The following ZBTB22 variants were observed in gnomAD, a reference collection of about 807,000 sequenced individuals.
ZBTB22 encodes zinc finger and BTB domain containing 22.
For synonymous variants in ZBTB22, 356 were observed against 347.3 expected (o/e 1.03, Z -0.28); for missense variants, 668 against 834.1 (o/e 0.80, Z 2.45).
Position 33,315,899 on chromosome 6 carries a change from G to C in ZBTB22, c.1018C>G (p.Leu340Val). Residue 340 changes from leucine to valine, a missense_variant, in exon 2 of 2, where the codon CTA becomes GTA. Coordinates refer to ENST00000431845, the MANE Select transcript of ZBTB22 (RefSeq NM_005453.5). This position sits in a 1 kb window ranked among gnomAD's most constrained non-coding sequence, Gnocchi z 5.4. ...LTCEDDEDEE[L>V]GGSSRVPVGG... ...ACTGGAACCCTGGAGCTACCCCCTA[G>C]TTCTTCATCTTCATCATCCTCACAG... The C allele has an allele frequency of 6.2e-7, 1 of 1,613,948 alleles. No homozygotes were observed. Among genetic ancestry groups the C allele is most frequent in the Non-Finnish European group, 8.5e-7 (1 of 1,179,980 alleles).
chr6:33,316,790 G>A lies in ZBTB22; in HGVS notation c.127C>T (p.Leu43Phe). The change falls in exon 2 of 2, where the codon CTC (leucine) becomes TTC (phenylalanine). Residue 43 changes from leucine to phenylalanine, a missense_variant. By Grantham distance (22) the Leu-to-Phe change is conservative (BLOSUM62 0). Transcript: ENST00000431845. The surrounding 1 kb of genome is among the most constrained non-coding windows in gnomAD (Gnocchi z 7.2). ...HVSFPEVTSA[L>F]LESLNQQRLQ... ...CGCTGCTGATTGAGGGACTCCAAGA[G>A]GGCACTGGTCACCTCAGGGAAGGAC... The A allele has an allele frequency of 6.2e-7, 1 of 1,614,170 alleles. No homozygotes were observed. Among genetic ancestry groups the A allele is most frequent in the Non-Finnish European group, 8.5e-7 (1 of 1,180,024 alleles).
In ZBTB22 at chr6:33,315,244, C is replaced by G. The variant is rs997065545; in HGVS notation, c.1673G>C (p.Arg558Pro). The G allele has an allele frequency of 6.2e-7, 1 of 1,613,432 alleles. No homozygotes were observed. The highest frequency in any genetic ancestry group is 8.5e-7 in the Non-Finnish European group (1 of 1,179,872). Residue 558 changes from arginine (R) to proline (P), a missense_variant, in exon 2 of 2, where the codon CGC becomes CCC. Physicochemically the swap from Arg to Pro is moderately radical, Grantham distance 103 (BLOSUM62 -2). Coordinates refer to ENST00000431845, the MANE Select transcript of ZBTB22 (RefSeq NM_005453.5). The surrounding 1 kb of genome is among the most constrained non-coding windows in gnomAD (Gnocchi z 5.4). ...KKFMWRDSFM[R>P]HRGHCERRHR... ...CCGGCGCTCACAGTGTCCTCGGTGG[C>G]GCATGAAGCTGTCTCGCCACATGAA...
rs369772137 is a variant in ZBTB22 at position 33,315,220 on chromosome 6, C to G, written c.1697G>C (p.Arg566Pro). 12 of 1,612,996 alleles carry G rather than the reference C, an allele frequency of 7.4e-6. No individual in the cohort carries two copies. Among genetic ancestry groups the G allele is most frequent in the Non-Finnish European group, 1.0e-5 (12 of 1,179,704 alleles). ...GGCCCCGACCCCGCCCAGGCGGTGC[C>G]GGCGCTCACAGTGTCCTCGGTGGCG... is the stretch of plus-strand genomic sequence containing the variant. Reference protein sequence around the residue: ...FMRHRGHCERRHRLGGVGAVP... With the variant: ...FMRHRGHCERPHRLGGVGAVP... The change falls in exon 2 of 2, where the codon CGG (arginine) becomes CCG (proline). Residue 566 changes from arginine to proline, a missense_variant. Arg to Pro is a moderately radical substitution (Grantham distance 103). Transcript: ENST00000431845. This position sits in a 1 kb window ranked among gnomAD's most constrained non-coding sequence, Gnocchi z 5.4.
At position 33,316,471 on chromosome 6, in the gene ZBTB22, T is replaced by C; in HGVS notation, c.446A>G (p.Glu149Gly). Reference protein sequence around the residue: ...IVDKCTELLREGRASATTTIT... With the variant: ...IVDKCTELLRGGRASATTTIT... Reference sequence around the variant, plus strand: ...GGTGGTGGTAGCTGAGGCCCGGCCTTCTCGGAGTAGTTCAGTGCACTTGTC... The same window carrying C: ...GGTGGTGGTAGCTGAGGCCCGGCCTCCTCGGAGTAGTTCAGTGCACTTGTC... The change falls in exon 2 of 2, where the codon GAA (glutamate) becomes GGA (glycine). Residue 149 changes from glutamate to glycine, a missense_variant. Physicochemically the swap from Glu to Gly is moderately conservative, Grantham distance 98. Coordinates refer to ENST00000431845, the MANE Select transcript of ZBTB22 (RefSeq NM_005453.5). This position sits in a 1 kb window ranked among gnomAD's most constrained non-coding sequence, Gnocchi z 7.2. The C allele has an allele frequency of 2.5e-6, 4 of 1,614,088 alleles. No homozygotes were observed. The highest frequency in any genetic ancestry group is 3.4e-6 in the Non-Finnish European group (4 of 1,180,018).
At chr6:33,317,018 C>T (rs936574298) in intron 1 of ZBTB22, 33 bp from the exon 2 acceptor site, 49 of 1,369,428 alleles carry the variant, frequency 3.6e-5, no homozygotes, top group Non-Finnish European at 4.3e-5. Flanking sequence ...ATAATGATAA[C>T]ATCTCATAAC....
Position 33,316,457 on chromosome 6 carries a change from C to T in ZBTB22, c.460G>A (p.Ala154Thr), listed in dbSNP as rs1769886856. The change falls in exon 2 of 2, where the codon GCT (alanine) becomes ACT (threonine). Residue 154 changes from alanine to threonine, a missense_variant. By Grantham distance (58) the Ala-to-Thr change is moderately conservative. Coordinates refer to ENST00000431845, the MANE Select transcript of ZBTB22 (RefSeq NM_005453.5). This position sits in a 1 kb window ranked among gnomAD's most constrained non-coding sequence, Gnocchi z 7.2. The stretch of plus-strand genomic sequence containing the variant: ...GCAGCAGTAGTGATGGTGGTGGTAG[C>T]TGAGGCCCGGCCTTCTCGGAGTAGT... ...TELLREGRAS[A>T]TTTITTAAAT... 1.2e-6 allele frequency: 2 copies of T among 1,614,182 alleles called. No homozygotes were observed. Among genetic ancestry groups the T allele is most frequent in the Non-Finnish European group, 1.7e-6 (2 of 1,180,042 alleles).
rs753611686 is a variant in ZBTB22 at position 33,316,695 on chromosome 6, G to T, written c.222C>A (p.Val74=). 1.2e-6 allele frequency: 2 copies of T among 1,614,206 alleles called. No individual in the cohort carries two copies. The highest frequency in any genetic ancestry group is 1.7e-6 in the Non-Finnish European group (2 of 1,180,036). Residue 74 remains valine, a synonymous_variant, in exon 2 of 2, where the codon GTC becomes GTA. Coordinates refer to ENST00000431845, the MANE Select transcript of ZBTB22 (RefSeq NM_005453.5). This position sits in a 1 kb window ranked among gnomAD's most constrained non-coding sequence, Gnocchi z 7.2. ...GGAAGTAAGGGGAGGAGGCAGCCAG[G>T]ACAGCCCGATGAGCCCGGAACTCCC... ...QGREFRAHRA[V]LAASSPYFHD...
In ZBTB22 at chr6:33,315,120, G is replaced by C. The variant is rs1769744035; in HGVS notation, c.1797C>G (p.Ser599Arg). The C allele has an allele frequency of 6.2e-7, 1 of 1,611,884 alleles. No individual in the cohort carries two copies. The highest frequency in any genetic ancestry group is 1.7e-5 in the Admixed American group (1 of 59,884). Reference sequence around the variant, plus strand: ...GCGTGGCCGCACTCGCTTCGTCGCCGCTGCCCCCGCCCACTCCGGGAGACT... The same window carrying C: ...GCGTGGCCGCACTCGCTTCGTCGCCCCTGCCCCCGCCCACTCCGGGAGACT... Reference protein sequence around the residue: ...KRESPGVGGGSGDEASAATPP... With the variant: ...KRESPGVGGGRGDEASAATPP... Residue 599 changes from serine to arginine, a missense_variant, in exon 2 of 2, where the codon AGC (serine) becomes AGG (arginine). Physicochemically the swap from Ser to Arg is moderately radical, Grantham distance 110. Coordinates refer to ENST00000431845, the MANE Select transcript of ZBTB22 (RefSeq NM_005453.5). The surrounding 1 kb of genome is among the most constrained non-coding windows in gnomAD (Gnocchi z 5.4).
chr6:33,316,856 G>C lies in ZBTB22; in HGVS notation c.61C>G (p.Pro21Ala). 1.2e-6 allele frequency: 2 copies of C among 1,613,688 alleles called. No individual in the cohort carries two copies. Among genetic ancestry groups the C allele is most frequent in the South Asian group, 2.2e-5 (2 of 91,056 alleles). ...GCTGCTGGCAGGGGTAGTGGGGGCG[G>C]AGCCAGCGACAGCGGCAGGGGAAGT... The part of the protein sequence containing the change: ...AALPLPLSLA[P>A]PPLPLPAAAV... The change falls in exon 2 of 2, where the codon CCG becomes GCG. Residue 21 changes from proline to alanine, a missense_variant. Pro to Ala is a conservative substitution (Grantham distance 27). Transcript: ENST00000431845. This position sits in a 1 kb window ranked among gnomAD's most constrained non-coding sequence, Gnocchi z 7.2.
In ZBTB22 at chr6:33,315,445, C is replaced by A; in HGVS notation, c.1472G>T (p.Gly491Val). Residue 491 changes from glycine (G) to valine (V), a missense_variant, in exon 2 of 2, where the codon GGG becomes GTG. Physicochemically the swap from Gly to Val is moderately radical, Grantham distance 109. Transcript: ENST00000431845. The surrounding 1 kb of genome is among the most constrained non-coding windows in gnomAD (Gnocchi z 5.4). ...DGNKIFLCHC[G>V]KAFSHKSMRD... ...CATGCTCTTGTGGGAGAAGGCCTTC[C>A]CACAATGGCACAGAAAGATCTTATT... 1 of 1,614,160 alleles carries A rather than the reference C, an allele frequency of 6.2e-7. No individual in the cohort carries two copies. The highest frequency in any genetic ancestry group is 8.5e-7 in the Non-Finnish European group (1 of 1,180,022).
Position 33,316,933 on chromosome 6 carries a change from A to C in ZBTB22, c.-17T>G. The C allele has an allele frequency of 2.6e-6, 4 of 1,553,542 alleles. No individual in the cohort carries two copies. Among genetic ancestry groups the C allele is most frequent in the Non-Finnish European group, 3.5e-6 (4 of 1,150,902 alleles). Reference sequence around the variant, plus strand: ...TGGCTCCATGTTGTGGAGGGAGGGGATACCCCCCCAGCCACAGGAACAAAG... The same window carrying C: ...TGGCTCCATGTTGTGGAGGGAGGGGCTACCCCCCCAGCCACAGGAACAAAG... On this transcript the variant is annotated 5_prime_UTR_variant, in exon 2 of 2. Transcript: ENST00000431845. This position sits in a 1 kb window ranked among gnomAD's most constrained non-coding sequence, Gnocchi z 7.2.
chr6:33,314,825 A>C lies in ZBTB22; in HGVS notation c.*187T>G. 4.4e-6 allele frequency: 5 copies of C among 1,131,954 alleles called. No homozygotes were observed. Among genetic ancestry groups the C allele is most frequent in the South Asian group, 4.4e-5 (2 of 45,698 alleles). The allele number at this position is 1,131,954 out of a possible 1,614,324, so 70.1% of individuals were successfully genotyped here. A position where few individuals can be genotyped will look rare whatever the true frequency, so the allele number is the denominator to read the frequency against. On this transcript the variant is annotated 3_prime_UTR_variant, in exon 2 of 2. Transcript: ENST00000431845. Reference sequence around the variant, plus strand: ...TAGTTCTGGAAATACCTTGGGGGGGAGGGGTTGAGTAGTAGAATGGGCGGG... The same window carrying C: ...TAGTTCTGGAAATACCTTGGGGGGGCGGGGTTGAGTAGTAGAATGGGCGGG...
Position 33,316,072 on chromosome 6 carries a change from C to T in ZBTB22, c.845G>A (p.Arg282Gln), listed in dbSNP as rs1485074549. The change falls in exon 2 of 2, where the codon CGG becomes CAG. Residue 282 changes from arginine (R) to glutamine (Q), a missense_variant. By Grantham distance (43) the Arg-to-Gln change is conservative. Transcript: ENST00000431845. This position sits in a 1 kb window ranked among gnomAD's most constrained non-coding sequence, Gnocchi z 7.2. ...GCTAGGGGGTGTGTAGGTGGGTCTCCGGAGCCCAGCCCCAGGAACCACTGC... is the reference window on the plus strand; with the variant it reads ...GCTAGGGGGTGTGTAGGTGGGTCTCTGGAGCCCAGCCCCAGGAACCACTGC... ...RGAVVPGAGL[R>Q]RPTYTPPSIM... The T allele has an allele frequency of 9.3e-6, 15 of 1,613,282 alleles. No individual in the cohort carries two copies. The highest frequency in any genetic ancestry group is 2.2e-5 in the East Asian group (1 of 44,896).
At position 33,316,573 on chromosome 6, in the gene ZBTB22, C is replaced by T; in HGVS notation, c.344G>A (p.Gly115Asp). The change falls in exon 2 of 2, where the codon GGC becomes GAC. Residue 115 changes from glycine to aspartate, a missense_variant. Transcript: ENST00000431845. This position sits in a 1 kb window ranked among gnomAD's most constrained non-coding sequence, Gnocchi z 7.2. ...FETVLASAYT[G>D]RLSMAAADIV... The stretch of plus-strand genomic sequence containing the variant: ...GTCAGCAGCAGCCATGCTGAGGCGG[C>T]CAGTGTAAGCGGAGGCTAGGACAGT... 6.2e-7 allele frequency: 1 copy of T among 1,614,222 alleles called. No homozygotes were observed. Among genetic ancestry groups the T allele is most frequent in the Non-Finnish European group, 8.5e-7 (1 of 1,180,036 alleles).
At chr6:33,317,745 TCCGCCCTCCGCCTCCGCTCCGCCTC>T (rs1363747699), upstream of ZBTB22, 1 of 82,910 alleles carries the variant, frequency 1.2e-5, no homozygotes, top group Non-Finnish European at 2.3e-5. Flanking sequence ...GCCGACTCCC[TCCGCCCTCCGCCTCCGCTCCGCCTC>T]CCGCCCCTCC....
chr6:33,314,970 T>C lies in ZBTB22; in HGVS notation c.*42A>G. 6.6e-7 allele frequency: 1 copy of C among 1,520,346 alleles called. No individual in the cohort carries two copies. The highest frequency in any genetic ancestry group is 8.8e-7 in the Non-Finnish European group (1 of 1,134,338). 94.2% of individuals were successfully genotyped at this position (1,520,346 alleles called of 1,614,324 possible). ...CAGCGCCCTTGCATCGTGCTCCTTA[T>C]TCCCTTTCCCGAAAGCTACCCCACC... On this transcript the variant is annotated 3_prime_UTR_variant, in exon 2 of 2. Coordinates refer to ENST00000431845, the MANE Select transcript of ZBTB22 (RefSeq NM_005453.5).
chr6:33,315,108 C>G lies in ZBTB22; in HGVS notation c.1809G>C (p.Ala603=). 6.2e-7 allele frequency: 1 copy of G among 1,611,910 alleles called. No individual in the cohort carries two copies. Among genetic ancestry groups the G allele is most frequent in the African/African-American group, 1.3e-5 (1 of 75,014 alleles). Reference sequence around the variant, plus strand: ...TGCTGGACGGGGGCGTGGCCGCACTCGCTTCGTCGCCGCTGCCCCCGCCCA... The same window carrying G: ...TGCTGGACGGGGGCGTGGCCGCACTGGCTTCGTCGCCGCTGCCCCCGCCCA... ...PGVGGGSGDE[A]SAATPPSSRR... Residue 603 remains alanine, a synonymous_variant, in exon 2 of 2, where the codon GCG becomes GCC. Transcript: ENST00000431845. This position sits in a 1 kb window ranked among gnomAD's most constrained non-coding sequence, Gnocchi z 5.4.
Position 33,315,290 on chromosome 6 carries a change from A to T in ZBTB22, c.1627T>A (p.Cys543Ser). 1 of 1,613,696 alleles carries T rather than the reference A, an allele frequency of 6.2e-7. No individual in the cohort carries two copies. The highest frequency in any genetic ancestry group is 8.5e-7 in the Non-Finnish European group (1 of 1,179,942). The change falls in exon 2 of 2, where the codon TGC becomes AGC. Residue 543 changes from cysteine to serine, a missense_variant. Physicochemically the swap from Cys to Ser is moderately radical, Grantham distance 112. Transcript: ENST00000431845. The surrounding 1 kb of genome is among the most constrained non-coding windows in gnomAD (Gnocchi z 5.4). ...ATGAACTTCTTGGCGCAGACTCCGC[A>T]CTCGTAGGGCTTGAGACCTGTGTGC... is the stretch of plus-strand genomic sequence containing the variant. ...KTHTGLKPYECGVCAKKFMWR... is the reference protein window; with the variant it reads ...KTHTGLKPYESGVCAKKFMWR...
Position 33,315,371 on chromosome 6 carries a change from G to T in ZBTB22, c.1546C>A (p.Pro516Thr). The change falls in exon 2 of 2, where the codon CCC becomes ACC. Residue 516 changes from proline to threonine, a missense_variant. Transcript: ENST00000431845. This position sits in a 1 kb window ranked among gnomAD's most constrained non-coding sequence, Gnocchi z 5.4. ...ATCTTGAACTTTTTGTTGCACACGG[G>T]GCAGTCAAACGGCCGCAGATTGAGG... is the stretch of plus-strand genomic sequence containing the variant. The part of the protein sequence containing the change: ...MHLNLRPFDC[P>T]VCNKKFKMKH... 2 of 1,614,182 alleles carry T rather than the reference G, an allele frequency of 1.2e-6. No individual in the cohort carries two copies. The highest frequency in any genetic ancestry group is 1.7e-6 in the Non-Finnish European group (2 of 1,180,038).
Sources: allele counts gnomAD v4.1 joint callset, GRCh38; gene constraint gnomAD v4.1.1; non-coding constraint Gnocchi (gnomAD v3.1); transcripts MANE v1.5; gene names NCBI Gene and HGNC (gene_info 2026-07-23, HGNC 2026-07-21).